OPCML: variants seen among roughly 807,000 people sequenced by gnomAD.
The protein encoded by OPCML is opioid-binding protein/cell adhesion molecule.
In OPCML, 13 loss-of-function variants were observed where a neutral mutation model predicts 37.8. That is an observed-to-expected ratio of 0.34 (90% CI 0.22 to 0.55). The LOEUF (loss-of-function observed/expected upper bound fraction) is 0.55, where lower values mean the gene tolerates loss of function less well. OPCML is among the 20% of genes least tolerant of loss of function. The pLI is 0.91. For synonymous variants in OPCML, 176 were observed against 168.8 expected (o/e 1.04, Z -0.33); for missense variants, 341 against 435.6 (o/e 0.78, Z 1.93).
At chr11:133,269,101 A>C (rs1941743870) in intron 1 of OPCML, among the ~76,000 whole-genome samples, 1 of 152,206 alleles carries the variant, frequency 6.6e-6, no homozygotes, top group South Asian at 2.1e-4. Context: ...TCTGAGATGC[A>C]ACAAAGACTC....
chr11:133,342,959 GTGGCACAAT>G (rs1943909247), intron 1 of OPCML, among the ~76,000 whole-genome samples: 1 of 152,178 alleles, frequency 6.6e-6, no homozygotes, highest in South Asian at 2.1e-4. Context: ...CTGCAGTGCA[GTGGCACAAT>G]CATAGCTCGC....
At chr11:132,966,644 A>C (rs1465382488) in intron 1 of OPCML, among the ~76,000 whole-genome samples, 1 of 152,106 alleles carries the variant, frequency 6.6e-6, no homozygotes, top group Non-Finnish European at 1.5e-5. Flanking sequence ...TTAAGAATGA[A>C]GTACTAAAAT....
chr11:132,581,906 C>T (rs1009314827), intron 3 of OPCML, among the ~76,000 whole-genome samples: 3 of 151,878 alleles, frequency 2.0e-5, no homozygotes, highest in Admixed American at 2.0e-4. Flanking sequence ...CAGACACCTG[C>T]CCATGATAAG....
chr11:132,734,687 G>A (rs1160896682), intron 2 of OPCML, among the ~76,000 whole-genome samples: 1 of 152,196 alleles, frequency 6.6e-6, no homozygotes, highest in South Asian at 2.1e-4. Flanking sequence ...TATGGATTGG[G>A]AGTAATTTGC....
At chr11:133,258,000 G>T (rs528636357) in intron 1 of OPCML, among the ~76,000 whole-genome samples, 2 of 152,294 alleles carry the variant, frequency 1.3e-5, no homozygotes, top group East Asian at 1.9e-4. Context: ...GTATCTGGGG[G>T]TGAGTTAAGA....
intron 2 of OPCML, among the ~76,000 whole-genome samples, chr11:132,859,745 T>C (rs1370147419): frequency 2.0e-5 from 3 of 152,224 alleles, no homozygotes; most frequent in Non-Finnish European, 4.4e-5. Context: ...AATGAAAATA[T>C]TATCTTCCTA....
chr11:133,317,674 A>T (rs775610471), intron 1 of OPCML, among the ~76,000 whole-genome samples: 3 of 152,198 alleles, frequency 2.0e-5, no homozygotes, highest in Non-Finnish European at 4.4e-5. Context: ...ATCTCTGCCT[A>T]TTGGCTCTGC....
intron 1 of OPCML, among the ~76,000 whole-genome samples, chr11:133,494,216 A>G (rs1013930302): frequency 6.6e-6 from 1 of 152,124 alleles, no homozygotes; most frequent in Non-Finnish European, 1.5e-5. Flanking sequence ...AAAAGTCAGG[A>G]AACAACAGGT....
At chr11:133,493,396 T>C (rs1290383484) in intron 1 of OPCML, among the ~76,000 whole-genome samples, 2 of 152,180 alleles carry the variant, frequency 1.3e-5, no homozygotes, top group African/African-American at 4.8e-5. Flanking sequence ...CAAAATAAAG[T>C]CACCTCGAAT....
At chr11:133,502,778 G>A (rs928167995) in intron 1 of OPCML, among the ~76,000 whole-genome samples, 11 of 152,116 alleles carry the variant, frequency 7.2e-5, no homozygotes, top group African/African-American at 9.7e-5. Context: ...GATGTGTGCC[G>A]TTGCCTATGT....
At chr11:133,415,727 T>C (rs1336505164) in intron 1 of OPCML, among the ~76,000 whole-genome samples, 1 of 152,158 alleles carries the variant, frequency 6.6e-6, no homozygotes, top group Non-Finnish European at 1.5e-5. Context: ...TCCTAGATCA[T>C]TTAGGTAGTC....
chr11:132,530,676 C>A (rs1481223509), intron 3 of OPCML, among the ~76,000 whole-genome samples: 2 of 151,830 alleles, frequency 1.3e-5, no homozygotes, highest in Admixed American at 6.6e-5. Flanking sequence ...ATGGCACACA[C>A]TCTACCAGGT....
intron 1 of OPCML, among the ~76,000 whole-genome samples, chr11:133,444,002 T>C (rs1199850099): frequency 1.3e-5 from 2 of 152,178 alleles, no homozygotes; most frequent in African/African-American, 4.8e-5. Flanking sequence ...ATGCTGTTAC[T>C]GAGCAGCATG....
At chr11:133,461,735 T>A (rs1018782432) in intron 1 of OPCML, among the ~76,000 whole-genome samples, 1 of 151,936 alleles carries the variant, frequency 6.6e-6, no homozygotes, top group Non-Finnish European at 1.5e-5. Context: ...TTCAGTACAA[T>A]CTCTACCATA....
chr11:132,876,328 A>G (rs1470924988), intron 2 of OPCML, among the ~76,000 whole-genome samples: 3 of 152,214 alleles, frequency 2.0e-5, no homozygotes, highest in Admixed American at 6.5e-5. Flanking sequence ...GAAGTATCCT[A>G]GCAACTCCTG....
At chr11:132,899,008 T>C (rs1247454488) in intron 2 of OPCML, among the ~76,000 whole-genome samples, 1 of 152,126 alleles carries the variant, frequency 6.6e-6, no homozygotes, top group African/African-American at 2.4e-5. Context: ...TTAGGGTGTC[T>C]CTTAGTATTA....
chr11:132,783,985 C>T (rs1019206143), intron 2 of OPCML, among the ~76,000 whole-genome samples: 1 of 152,160 alleles, frequency 6.6e-6, no homozygotes. Context: ...ATTTAATGAT[C>T]AGATAGGCCT....
intron 1 of OPCML, among the ~76,000 whole-genome samples, chr11:133,401,942 G>C (rs987747837): frequency 3.3e-5 from 5 of 152,162 alleles, no homozygotes; most frequent in African/African-American, 1.2e-4. Context: ...TTCTATAATA[G>C]AGTTAGTGCT....
At chr11:132,891,848 A>G (rs909011750) in intron 2 of OPCML, among the ~76,000 whole-genome samples, 1 of 152,164 alleles carries the variant, frequency 6.6e-6, no homozygotes, top group Non-Finnish European at 1.5e-5. Flanking sequence ...TTCAATTTCC[A>G]TGTTCCCTGT....
Sources: allele counts gnomAD v4.1 joint callset (sites outside exome capture counted in the v4.1 genomes callset), GRCh38; gene constraint gnomAD v4.1.1; transcripts MANE v1.5; gene names NCBI Gene and HGNC (gene_info 2026-07-23, HGNC 2026-07-21).